Variants in GRK5 observed in about 807,000 individuals in gnomAD.
GRK5 encodes the protein g protein-coupled receptor kinase GRK5.
In GRK5, 40 loss-of-function variants were observed where a neutral mutation model predicts 78.4. That is an observed-to-expected ratio of 0.51 (90% CI 0.40 to 0.66). The LOEUF is 0.66. Ranked by LOEUF, GRK5 falls within the 30% of genes least tolerant of loss-of-function variation. The probability of loss-of-function intolerance (pLI) is 0.00; values close to 1 mark genes in which losing one functional copy is unlikely to be tolerated. For missense variants in GRK5, 598 were observed against 759.9 expected (o/e 0.79, Z 2.50); for synonymous variants, 289 against 296.8 (o/e 0.97, Z 0.27).
At chr10:119,282,113 A>G (rs1195520676) in intron 1 of GRK5, among the ~76,000 whole-genome samples, 1 of 151,998 alleles carries the variant, frequency 6.6e-6, no homozygotes, top group Non-Finnish European at 1.5e-5. Context: ...TTGCCTTTTC[A>G]CACAGCACCT....
At chr10:119,363,585 T>G (rs80291596) in intron 2 of GRK5, among the ~76,000 whole-genome samples, 32 of 152,332 alleles carry the variant, frequency 2.1e-4, no homozygotes, top group African/African-American at 7.5e-4. Flanking sequence ...ATGGAAACTC[T>G]GTCTGCATGG....
intron 5 of GRK5, 135 bp from the exon 6 acceptor site, chr10:119,424,858 T>C: frequency 1.5e-6 from 1 of 673,416 alleles, no homozygotes; most frequent in Non-Finnish European, 2.7e-6. Flanking sequence ...TGGCAGGACC[T>C]CTGGCCAGAC....
intron 3 of GRK5, among the ~76,000 whole-genome samples, chr10:119,395,524 G>A (rs1297768485): frequency 6.6e-6 from 1 of 152,152 alleles, no homozygotes; most frequent in Non-Finnish European, 1.5e-5. Flanking sequence ...TGTACTTTTG[G>A]ACAGAGGCTG....
At chr10:119,439,649 GC>G in intron 9 of GRK5, 81 bp from the exon 10 acceptor site, 1 of 1,376,336 alleles carries the variant, frequency 7.3e-7, no homozygotes. Context: ...GGCCTGATTA[GC>G]CCGAGGGGTC....
At chr10:119,414,769 C>T (rs1018988085) in intron 4 of GRK5, among the ~76,000 whole-genome samples, 2 of 152,072 alleles carry the variant, frequency 1.3e-5, no homozygotes, top group Non-Finnish European at 2.9e-5. Flanking sequence ...CCTGGCATAT[C>T]ATAAGTGGGT....
At chr10:119,394,376 CGGTG>C (rs1269198891) in intron 3 of GRK5, among the ~76,000 whole-genome samples, 3 of 18,306 alleles carry the variant, frequency 1.6e-4, no homozygotes, top group Admixed American at 5.2e-4. Context: ...GTGTGGGTGT[CGGTG>C]TGTGTATCTG....
intron 3 of GRK5, among the ~76,000 whole-genome samples, chr10:119,392,042 C>T (rs979042643): frequency 9.2e-5 from 14 of 152,182 alleles, no homozygotes; most frequent in African/African-American, 3.1e-4. Context: ...TCTTTGAAAA[C>T]GTGGCAGGTT....
At chr10:119,305,450 G>A (rs538930700) in intron 1 of GRK5, among the ~76,000 whole-genome samples, 46 of 152,220 alleles carry the variant, frequency 3.0e-4, no homozygotes, top group African/African-American at 8.9e-4. Context: ...CAAAATGGAC[G>A]TGGTCTCTGT....
intron 1 of GRK5, among the ~76,000 whole-genome samples, chr10:119,313,711 T>C (rs2133745025): frequency 6.6e-6 from 1 of 152,124 alleles, no homozygotes; most frequent in East Asian, 1.9e-4. Flanking sequence ...GGAGGGACTG[T>C]CCCCAGCCTC....
intron 2 of GRK5, among the ~76,000 whole-genome samples, chr10:119,328,956 G>A (rs540986889): frequency 2.0e-4 from 31 of 152,338 alleles, no homozygotes; most frequent in South Asian, 1.7e-3. Flanking sequence ...TTCTGCCAGA[G>A]CACCCTTCCT....
intron 1 of GRK5, among the ~76,000 whole-genome samples, chr10:119,290,356 A>C (rs901121825): frequency 3.4e-5 from 5 of 144,940 alleles, no homozygotes; most frequent in Admixed American, 7.1e-5. Context: ...CAAAAAAAAA[A>C]AAAAAAACAA....
Position 119,320,944 on chromosome 10 carries a change from T to TA in GRK5, c.53-5571dup, listed in dbSNP as rs1850573627. Among the ~76,000 whole-genome samples, 4 of 152,248 alleles carry TA rather than the reference T, an allele frequency of 2.6e-5. No individual in the cohort carries two copies. In the South Asian group the frequency reaches 8.3e-4, roughly 32 times the overall value. Reference sequence around the variant, plus strand: ...AGGGCCAGGTCACAGGAGGAATTTTTACAGTGGCATGGCTGGGCCCTGCCC... The same window carrying TA: ...AGGGCCAGGTCACAGGAGGAATTTTTAACAGTGGCATGGCTGGGCCCTGCCC... On this transcript the variant is annotated intron_variant, in intron 1 of 15. Coordinates refer to ENST00000392870, the MANE Select transcript of GRK5 (RefSeq NM_005308.3).
At chr10:119,345,362 T>A (rs1439053325) in intron 2 of GRK5, among the ~76,000 whole-genome samples, 1 of 152,230 alleles carries the variant, frequency 6.6e-6, no homozygotes, top group African/African-American at 2.4e-5. Flanking sequence ...GCAATCCAGC[T>A]GCAGTGTTAA....
At chr10:119,329,128 T>C (rs927217821) in intron 2 of GRK5, among the ~76,000 whole-genome samples, 1 of 152,172 alleles carries the variant, frequency 6.6e-6, no homozygotes, top group Non-Finnish European at 1.5e-5. Context: ...TTCTAATAAA[T>C]AGAAGAAGAG....
intron 1 of GRK5, among the ~76,000 whole-genome samples, chr10:119,235,410 C>CA (rs1178688763): frequency 6.6e-6 from 1 of 152,156 alleles, no homozygotes; most frequent in Non-Finnish European, 1.5e-5. Flanking sequence ...GGTTTAGAAA[C>CA]AAAATCACAC....
chr10:119,237,062 CTT>C (rs11393484), intron 1 of GRK5, among the ~76,000 whole-genome samples: 2 of 119,138 alleles, frequency 1.7e-5, no homozygotes, highest in African/African-American at 3.3e-5. Flanking sequence ...TTTGCCTTAC[CTT>C]TTTTTTTTTT....
chr10:119,394,285 G>T (rs1473157134), intron 3 of GRK5, among the ~76,000 whole-genome samples: 11 of 3,778 alleles, frequency 2.9e-3, no homozygotes, highest in African/African-American at 5.4e-3. Flanking sequence ...CGTGTGTGTG[G>T]GTGTGTATCT....
At chr10:119,322,269 T>TA (rs1393415464) in intron 1 of GRK5, among the ~76,000 whole-genome samples, 1 of 152,226 alleles carries the variant, frequency 6.6e-6, no homozygotes, top group Non-Finnish European at 1.5e-5. Flanking sequence ...CTTGACATTT[T>TA]AGAGCCAACC....
At chr10:119,395,385 C>T (rs967928434) in intron 3 of GRK5, among the ~76,000 whole-genome samples, 2 of 152,124 alleles carry the variant, frequency 1.3e-5, no homozygotes, top group African/African-American at 4.8e-5. Context: ...TGGGAGGAAT[C>T]GGACCCTAGA....
Sources: gnomAD v4.1 joint callset for allele counts (sites outside exome capture counted in the v4.1 genomes callset) on GRCh38, gnomAD v4.1.1 for gene constraint, MANE v1.5 for transcripts, NCBI Gene and HGNC (gene_info 2026-07-23, HGNC 2026-07-21) for gene names.